Variants in SAMD12 observed in about 807,000 individuals in gnomAD.
The protein encoded by SAMD12 is sterile alpha motif domain containing 12.
SAMD12 carries 9 observed loss-of-function variants against 15.0 expected under a neutral mutation model. The ratio of observed to expected loss-of-function variants is 0.60; its 90% CI spans 0.36 to 1.05. SAMD12 has a LOEUF of 1.05. SAMD12 is among the 50% of genes least tolerant of loss of function. SAMD12 has a pLI of 0.01. For missense variants in SAMD12, 230 were observed against 234.2 expected, an observed-to-expected ratio of 0.98 and a Z score of 0.12; for synonymous variants, 86 against 90.1, an observed-to-expected ratio of 0.96 and a Z score of 0.25.
At position 118,455,406 on chromosome 8, in the gene SAMD12, C is replaced by A. The variant is rs533996994; in HGVS notation, c.193-15445G>T. Among the ~76,000 whole-genome samples, 21 of 152,132 alleles carry A rather than the reference C, an allele frequency of 1.4e-4. No individual in the cohort carries two copies. In the South Asian group the frequency reaches 4.2e-3, roughly 30 times the overall value. On this transcript the variant is annotated intron_variant, in intron 2 of 3. Transcript: ENST00000314727. ...TTTTAGTTTGGTAAAATCCACACAA[C>A]ATAAAATGGTTTTCTCTCTACCGCA...
intron 2 of SAMD12, among the ~76,000 whole-genome samples, chr8:118,501,908 T>G (rs1240821691): frequency 6.6e-6 from 1 of 151,470 alleles, no homozygotes; most frequent in Non-Finnish European, 1.5e-5. Flanking sequence ...TCCCAGCTAC[T>G]CGGGAGGCTG....
intron 4 of SAMD12, among the ~76,000 whole-genome samples, chr8:118,268,540 C>T (rs1248273078): frequency 5.3e-5 from 8 of 152,116 alleles, no homozygotes; most frequent in South Asian, 4.1e-4. Flanking sequence ...CAGGGCCTGG[C>T]GTGGTGGCTC....
At chr8:118,295,435 A>G (rs1044017849) in intron 4 of SAMD12, among the ~76,000 whole-genome samples, 34 of 152,202 alleles carry the variant, frequency 2.2e-4, no homozygotes, top group Non-Finnish European at 1.0e-4. Flanking sequence ...AGATAAGATC[A>G]TGTCCAAACT....
At position 118,582,916 on chromosome 8, in the gene SAMD12, T is replaced by C. The variant is rs114330788; in HGVS notation, c.14-2023A>G. Among the ~76,000 whole-genome samples, 975 of 151,590 alleles carry C rather than the reference T, an allele frequency of 6.4e-3. 7 individuals are homozygous for C. The highest frequency in any genetic ancestry group is 0.022 in the African/African-American group (916 of 41,270). On this transcript the variant is annotated intron_variant, in intron 1 of 3. Transcript: ENST00000314727. ...ATCAAGCACTGTGCTTTTTTTTTTT[T>C]CTTTCTCCATTCTATTATCCATAGC...
At chr8:118,195,987 C>T (rs1475945878) in exon 5 of SAMD12, 4 of 152,184 alleles carry the variant, frequency 2.6e-5, no homozygotes, top group Non-Finnish European at 4.4e-5. Context: ...TGGTGCTGAC[C>T]TGCCGAAGGG....
chr8:118,185,217 CTTATT>C (rs770648940), downstream of SAMD12, among the ~76,000 whole-genome samples: 14 of 152,056 alleles, frequency 9.2e-5, no homozygotes, highest in African/African-American at 1.4e-4. Context: ...TAATTATGCA[CTTATT>C]TTATTTTAAA....
At chr8:118,332,893 C>T (rs79044301) in intron 4 of SAMD12, among the ~76,000 whole-genome samples, 2,559 of 152,278 alleles carry the variant, frequency 0.017, 78 homozygotes, top group African/African-American at 0.057. Context: ...TCTTGACCTC[C>T]GAACCTCTCC....
chr8:118,579,721 G>A (rs1305432056), intron 2 of SAMD12, among the ~76,000 whole-genome samples: 1 of 152,088 alleles, frequency 6.6e-6, no homozygotes, highest in Non-Finnish European at 1.5e-5. Context: ...GCTTTCCAAG[G>A]CATGCATACA....
chr8:118,425,520 T>TC (rs1822206233), intron 3 of SAMD12, among the ~76,000 whole-genome samples: 1 of 152,088 alleles, frequency 6.6e-6, no homozygotes, highest in Non-Finnish European at 1.5e-5. Context: ...TCCTACCCTG[T>TC]CTAAGAAAGA....
rs1450972740 is a variant in SAMD12 at position 118,327,176 on chromosome 8, C to G, written c.433+52384G>C. Among the ~76,000 whole-genome samples, 5 of 152,018 alleles carry G rather than the reference C, an allele frequency of 3.3e-5. No individual in the cohort carries two copies. In the South Asian group the frequency reaches 8.3e-4, roughly 25 times the overall value. On this transcript the variant is annotated intron_variant, in intron 4 of 4. Transcript: ENST00000409003. ...AGCATGGGCTTGCAGCTTTTTGTTT[C>G]TGTGTGTGTGTGTTTTTTAAACGAC...
At chr8:118,242,328 A>T (rs1162656202) in intron 4 of SAMD12, among the ~76,000 whole-genome samples, 1 of 152,180 alleles carries the variant, frequency 6.6e-6, no homozygotes, top group African/African-American at 2.4e-5. Context: ...AGAAAACCTT[A>T]AAGTAGGTAT....
rs1017314459 is a variant in SAMD12, at chr8:118,348,667, C to T, written c.433+30893G>A. ...GATTACAGGCGTGAGCCACCGCACC[C>T]GGCCCGCTTATTACTTTTTTAAAAA... On this transcript the variant is annotated intron_variant, in intron 4 of 4. Coordinates refer to the SAMD12 transcript ENST00000409003. Among the ~76,000 whole-genome samples, 6 of 152,286 alleles carry T rather than the reference C, an allele frequency of 3.9e-5. No homozygotes were observed. In the South Asian group the frequency reaches 6.2e-4, roughly 16 times the overall value.
At chr8:118,186,555 AT>A (rs5894417), downstream of SAMD12, among the ~76,000 whole-genome samples, 618 of 146,648 alleles carry the variant, frequency 4.2e-3, 6 homozygotes, top group Admixed American at 0.02. Context: ...GTTACCCTCC[AT>A]TTTTTTTTTT....
chr8:118,438,455 A>C (rs1034819921), intron 3 of SAMD12, among the ~76,000 whole-genome samples: 79 of 152,150 alleles, frequency 5.2e-4, no homozygotes, highest in Admixed American at 5.1e-3. Flanking sequence ...AAAATCAATC[A>C]AGTTTTCTGT....
the SAMD12 span, among the ~76,000 whole-genome samples, chr8:118,135,362 A>T: frequency 1.3e-5 from 2 of 151,524 alleles, no homozygotes; most frequent in African/African-American, 4.9e-5. Context: ...TTGTATTTTT[A>T]GTAGAGACGG....
chr8:118,563,636 C>A (rs1195173749), intron 2 of SAMD12, among the ~76,000 whole-genome samples: 3 of 152,146 alleles, frequency 2.0e-5, no homozygotes, highest in Non-Finnish European at 1.5e-5. Flanking sequence ...TCCCAAGAAA[C>A]AAAAGCCATA....
intron 4 of SAMD12, among the ~76,000 whole-genome samples, chr8:118,228,838 G>T (rs765863362): frequency 6.6e-6 from 1 of 152,206 alleles, no homozygotes; most frequent in Non-Finnish European, 1.5e-5. Context: ...ACTTGCATAT[G>T]CATGTTTATA....
At position 118,217,281 on chromosome 8, in the gene SAMD12, C is replaced by T. The variant is rs200772175; in HGVS notation, c.434-19549G>A. Among the ~76,000 whole-genome samples the T allele has an allele frequency of 4.8e-4, 73 of 152,344 alleles. No individual in the cohort carries two copies. The East Asian group carries it at 0.012, about 25-fold the overall frequency. On this transcript the variant is annotated intron_variant, in intron 4 of 4. Coordinates refer to the SAMD12 transcript ENST00000409003. ...CCTCCCAAAGTGCTGGGATTACAGG[C>T]GTGAGCCACTGCGCCCGGGCCTGGT...
intron 4 of SAMD12, among the ~76,000 whole-genome samples, chr8:118,350,969 T>C (rs1817935755): frequency 6.6e-6 from 1 of 152,200 alleles, no homozygotes; most frequent in African/African-American, 2.4e-5. Context: ...CTTCAGTTCT[T>C]TTGATCACAT....
Sources: gnomAD v4.1 joint callset for allele counts (sites outside exome capture counted in the v4.1 genomes callset) on GRCh38, gnomAD v4.1.1 for gene constraint, MANE v1.5 for transcripts, NCBI Gene and HGNC (gene_info 2026-07-23, HGNC 2026-07-21) for gene names.